Variants in FBXW11 observed in about 807,000 individuals in gnomAD.
The protein encoded by FBXW11 is F-box and WD repeat domain containing 11.
FBXW11 carries 19 observed loss-of-function variants against 77.6 expected under a neutral mutation model. The ratio of observed to expected loss-of-function variants is 0.24; its 90% CI spans 0.17 to 0.36. The LOEUF (loss-of-function observed/expected upper bound fraction) is 0.36, where lower values mean the gene tolerates loss of function less well. FBXW11 is among the 10% of genes least tolerant of loss of function. The pLI is 1.00. For synonymous variants in FBXW11, 235 were observed against 249.4 expected (o/e 0.94, Z 0.54); for missense variants, 334 against 704.2 (o/e 0.47, Z 5.95).
intron 2 of FBXW11, chr5:171,916,562 T>C (rs1761266134): frequency 1.3e-5 from 8 of 633,260 alleles, no homozygotes; most frequent in Non-Finnish European, 1.6e-5. Context: ...ACAAAGGTAG[T>C]ATTTATGGAG....
At chr5:171,915,773 C>A (rs1182164080) in intron 2 of FBXW11, among the ~76,000 whole-genome samples, 2 of 152,114 alleles carry the variant, frequency 1.3e-5, no homozygotes, top group African/African-American at 4.8e-5. Flanking sequence ...TTACTTCACT[C>A]TCCGATTTGA....
intron 2 of FBXW11, among the ~76,000 whole-genome samples, chr5:171,929,368 C>CA (rs1001070897): frequency 4.8e-5 from 7 of 146,498 alleles, no homozygotes; most frequent in South Asian, 2.2e-4. Flanking sequence ...AGACCTGTCT[C>CA]AAAAAAAAAT....
intron 1 of FBXW11, among the ~76,000 whole-genome samples, chr5:171,995,135 C>T (rs1026419282): frequency 2.0e-5 from 3 of 151,834 alleles, no homozygotes; most frequent in Non-Finnish European, 2.9e-5. Context: ...TATTAAATAC[C>T]GAAAAAAGTC....
At chr5:171,966,810 G>A (rs1764215756) in intron 1 of FBXW11, among the ~76,000 whole-genome samples, 1 of 152,164 alleles carries the variant, frequency 6.6e-6, no homozygotes, top group Non-Finnish European at 1.5e-5. Context: ...TAAATGACAT[G>A]AAAATTAACA....
intron 1 of FBXW11, among the ~76,000 whole-genome samples, chr5:171,961,819 G>C (rs982291257): frequency 4.4e-4 from 67 of 152,092 alleles, no homozygotes; most frequent in African/African-American, 1.5e-3. Flanking sequence ...GCTTATTTTT[G>C]TATTTTTAGT....
At chr5:171,990,062 CA>C (rs1765649777) in intron 1 of FBXW11, among the ~76,000 whole-genome samples, 1 of 132,014 alleles carries the variant, frequency 7.6e-6, no homozygotes, top group African/African-American at 2.9e-5. Context: ...TTTTTAACAA[CA>C]AAAAAGGGAG....
At chr5:171,886,607 A>G (rs1240578889) in intron 7 of FBXW11, among the ~76,000 whole-genome samples, 1 of 151,884 alleles carries the variant, frequency 6.6e-6, no homozygotes, top group Non-Finnish European at 1.5e-5. Flanking sequence ...ATAAAATAAA[A>G]CGATATATTG....
At chr5:171,872,502 G>A (rs540935477) in intron 10 of FBXW11, among the ~76,000 whole-genome samples, 3 of 152,200 alleles carry the variant, frequency 2.0e-5, no homozygotes, top group South Asian at 2.1e-4. Flanking sequence ...AGTCTTGGGA[G>A]AGGAAAATAA....
intron 12 of FBXW11, 109 bp from the exon 13 acceptor site, chr5:171,868,905 T>A: frequency 7.5e-5 from 67 of 891,110 alleles, no homozygotes; most frequent in Admixed American, 8.3e-5. Context: ...ACAGACTTCC[T>A]AAACGACTGT....
intron 1 of FBXW11, among the ~76,000 whole-genome samples, chr5:171,985,989 G>A (rs539910080): frequency 6.0e-4 from 92 of 152,108 alleles, no homozygotes; most frequent in Non-Finnish European, 7.4e-4. Flanking sequence ...ATTAGATAAA[G>A]TGAAATTGGT....
chr5:171,872,846 C>G, intron 10 of FBXW11, 26 bp downstream of exon 10: 2 of 1,563,674 alleles, frequency 1.3e-6, no homozygotes, highest in Non-Finnish European at 1.8e-6. Context: ...TCAGCCTGCT[C>G]TGTCAGCACA....
At chr5:171,963,006 T>A (rs1323063515) in intron 1 of FBXW11, among the ~76,000 whole-genome samples, 1 of 152,124 alleles carries the variant, frequency 6.6e-6, no homozygotes, top group East Asian at 1.9e-4. Context: ...ACAGAATCAT[T>A]ACCAGCTTCT....
intron 1 of FBXW11, among the ~76,000 whole-genome samples, chr5:171,984,539 G>A (rs756837548): frequency 6.6e-6 from 1 of 152,166 alleles, no homozygotes; most frequent in Admixed American, 6.5e-5. Context: ...ACTAGATAAA[G>A]TCATGCTCCA....
intron 7 of FBXW11, among the ~76,000 whole-genome samples, chr5:171,886,544 C>T (rs1417782121): frequency 1.3e-5 from 2 of 151,226 alleles, no homozygotes; most frequent in East Asian, 3.9e-4. Flanking sequence ...GCACGTTGTG[C>T]ACATGTACCC....
intron 2 of FBXW11, among the ~76,000 whole-genome samples, chr5:171,952,453 T>A (rs796098709): frequency 0.015 from 292 of 18,880 alleles, 7 homozygotes; most frequent in Non-Finnish European, 0.031. Flanking sequence ...ATATATTTTT[T>A]TTTTTTTTTT....
intron 1 of FBXW11, among the ~76,000 whole-genome samples, chr5:171,972,139 G>C (rs1001884637): frequency 1.3e-5 from 2 of 150,310 alleles, no homozygotes; most frequent in Non-Finnish European, 2.9e-5. Context: ...GGCTGAGGTG[G>C]GAAAATCACA....
intron 2 of FBXW11, among the ~76,000 whole-genome samples, chr5:171,940,752 G>C (rs2113168736): frequency 6.6e-6 from 1 of 152,170 alleles, no homozygotes; most frequent in South Asian, 2.1e-4. Flanking sequence ...GCCAGGCGTG[G>C]TAGCACACGC....
rs980130447 is a variant in FBXW11, at chr5:171,914,323, C to G, written c.210+20G>C. ...TACAGTAAGTCAGTTGCTATCTAAT[C>G]TGTGCGCCGTCATTCCTACCTGCCA... is the stretch of plus-strand genomic sequence containing the variant. On this transcript the variant is annotated intron_variant, in intron 3 of 13. Coordinates refer to ENST00000517395, the MANE Select transcript of FBXW11 (RefSeq NM_001378974.1). The G allele has an allele frequency of 1.3e-6, 2 of 1,594,384 alleles. No individual in the cohort carries two copies. The highest frequency in any genetic ancestry group is 3.5e-5 in the Admixed American group (2 of 57,274).
chr5:171,963,186 TACACACACAC>T (rs56222437), intron 1 of FBXW11, among the ~76,000 whole-genome samples: 1 of 150,508 alleles, frequency 6.6e-6, no homozygotes, highest in African/African-American at 2.5e-5. Context: ...TAAATACACA[TACACACACAC>T]ACACACACAC....
Sources: gnomAD v4.1 joint callset for allele counts (sites outside exome capture counted in the v4.1 genomes callset) on GRCh38, gnomAD v4.1.1 for gene constraint, MANE v1.5 for transcripts, NCBI Gene and HGNC (gene_info 2026-07-23, HGNC 2026-07-21) for gene names.